PRKG1: variants seen among roughly 807,000 people sequenced by gnomAD.
PRKG1 encodes the protein cGMP-dependent protein kinase 1.
In PRKG1, 35 loss-of-function variants were observed where a neutral mutation model predicts 88.1. The ratio of observed to expected loss-of-function variants is 0.40; its 90% CI spans 0.30 to 0.53. The LOEUF (loss-of-function observed/expected upper bound fraction) is 0.53. PRKG1 is among the 20% of genes least tolerant of loss of function. The pLI, the probability that PRKG1 is intolerant of heterozygous loss-of-function variation, is 0.59. For missense variants in PRKG1, 540 were observed against 839.8 expected, an observed-to-expected ratio of 0.64 and a Z score of 4.41; for synonymous variants, 303 against 292.5, an observed-to-expected ratio of 1.04 and a Z score of -0.37.
intron 5 of PRKG1, among the ~76,000 whole-genome samples, chr10:52,004,880 T>C (rs944156753): frequency 1.3e-5 from 2 of 152,094 alleles, no homozygotes; most frequent in Non-Finnish European, 2.9e-5. Flanking sequence ...TGAGCTGTGA[T>C]CATGCCACTG....
chr10:51,751,982 A>T (rs1414674812), intron 3 of PRKG1, among the ~76,000 whole-genome samples: 2 of 152,186 alleles, frequency 1.3e-5, no homozygotes, highest in East Asian at 1.9e-4. Flanking sequence ...CATGCTGGTG[A>T]CTATTTTTCA....
intron 3 of PRKG1, among the ~76,000 whole-genome samples, chr10:51,468,815 G>C (rs1042340056): frequency 6.6e-6 from 1 of 151,730 alleles, no homozygotes; most frequent in Non-Finnish European, 1.5e-5. Flanking sequence ...TCCTTCAGAA[G>C]TACAGCATAT....
chr10:51,988,308 A>G (rs1346226417), intron 5 of PRKG1, among the ~76,000 whole-genome samples: 2 of 152,102 alleles, frequency 1.3e-5, no homozygotes, highest in Non-Finnish European at 1.5e-5. Context: ...TTGATGCAAC[A>G]CATTAGAAAA....
intron 3 of PRKG1, among the ~76,000 whole-genome samples, chr10:51,584,067 C>A (rs911075833): frequency 6.6e-6 from 1 of 152,024 alleles, no homozygotes; most frequent in Non-Finnish European, 1.5e-5. Context: ...ACTTATTTTT[C>A]CACTCAGAAG....
chr10:51,121,655 C>T (rs1845263421), intron 1 of PRKG1, among the ~76,000 whole-genome samples: 2 of 151,902 alleles, frequency 1.3e-5, no homozygotes, highest in African/African-American at 4.8e-5. Context: ...TTTCCAAGGC[C>T]ACCCAGCTAG....
intron 2 of PRKG1, among the ~76,000 whole-genome samples, chr10:51,441,654 C>T (rs913691977): frequency 6.6e-6 from 1 of 151,900 alleles, no homozygotes; most frequent in African/African-American, 2.4e-5. Flanking sequence ...TGGTTCTGTT[C>T]TACCAGAAAT....
chr10:51,708,595 G>C (rs1841667391), intron 3 of PRKG1, among the ~76,000 whole-genome samples: 1 of 152,110 alleles, frequency 6.6e-6, no homozygotes. Flanking sequence ...TGAAGGATCA[G>C]ATCTCCTATT....
chr10:51,553,627 T>C (rs1233546792), intron 3 of PRKG1, among the ~76,000 whole-genome samples: 1 of 151,496 alleles, frequency 6.6e-6, no homozygotes, highest in Non-Finnish European at 1.5e-5. Flanking sequence ...TGTCACTTTC[T>C]TCTTAAAATC....
In PRKG1 at chr10:51,843,263, A is replaced by G. The variant is rs1322489299; in HGVS notation, c.698+38573A>G. The stretch of plus-strand genomic sequence containing the variant: ...GTGTTATAAGAATAATTTGTTTTAT[A>G]TATTAGAAACATTTATTTGATGTGC... On this transcript the variant is annotated intron_variant, in intron 4 of 17. Coordinates refer to ENST00000373980, the MANE Select transcript of PRKG1 (RefSeq NM_006258.4). 7.9e-5 allele frequency among the ~76,000 whole-genome samples: 12 copies of G among 151,978 alleles called. No homozygotes were observed. The East Asian group carries it at 2.3e-3, about 29-fold the overall frequency.
At chr10:51,268,323 A>G (rs887154247) in intron 2 of PRKG1, among the ~76,000 whole-genome samples, 2 of 152,252 alleles carry the variant, frequency 1.3e-5, no homozygotes, top group South Asian at 4.2e-4. Flanking sequence ...TCTGACCACA[A>G]TTTATTAGGT....
intron 4 of PRKG1, among the ~76,000 whole-genome samples, chr10:51,828,953 A>G (rs993944549): frequency 5.9e-5 from 9 of 152,202 alleles, no homozygotes; most frequent in South Asian, 2.1e-4. Flanking sequence ...ACAAACATTT[A>G]TCATCACGCA....
intron 2 of PRKG1, among the ~76,000 whole-genome samples, chr10:51,432,606 A>G (rs1838801601): frequency 6.6e-6 from 1 of 152,172 alleles, no homozygotes; most frequent in East Asian, 1.9e-4. Flanking sequence ...CCAAGTGGCA[A>G]TAGTCGCTGG....
chr10:50,991,431 G>A lies in PRKG1; in HGVS notation c.53G>A (p.Arg18Lys). 6.3e-7 allele frequency: 1 copy of A among 1,589,578 alleles called. No homozygotes were observed. The highest frequency in any genetic ancestry group is 8.6e-7 in the Non-Finnish European group (1 of 1,168,486). ...AAGATTCTCATGCTCAAGGAGGAGA[G>A]GATCAAAGAGCTGGAGAAGCGGCTG... The change falls in exon 1 of 18, where the codon AGG becomes AAG. Residue 18 changes from arginine (R) to lysine (K), a missense_variant. By Grantham distance (26) the Arg-to-Lys change is conservative. Coordinates refer to the PRKG1 transcript ENST00000401604. The surrounding 1 kb of genome is among the most constrained non-coding windows in gnomAD (Gnocchi z 4.5).
chr10:51,180,204 C>T (rs563973192), intron 2 of PRKG1, among the ~76,000 whole-genome samples: 5 of 152,208 alleles, frequency 3.3e-5, no homozygotes, highest in South Asian at 4.1e-4. Context: ...TCTGAGGGTA[C>T]GTTTATGAGA....
chr10:52,266,241 A>G (rs1025190145), intron 10 of PRKG1, among the ~76,000 whole-genome samples: 5 of 151,574 alleles, frequency 3.3e-5, no homozygotes, highest in Non-Finnish European at 1.5e-5. Context: ...TCTGGAGTAC[A>G]TGTGCAGGAT....
At chr10:52,282,011 A>T (rs1207257332) in intron 13 of PRKG1, 142 bp from the exon 14 acceptor site, 1 of 877,082 alleles carries the variant, frequency 1.1e-6, no homozygotes, top group Non-Finnish European at 1.6e-6. Flanking sequence ...TTTGCAATAT[A>T]GACTATTCTT....
chr10:51,952,865 C>A (rs957324297), intron 5 of PRKG1, among the ~76,000 whole-genome samples: 1 of 152,098 alleles, frequency 6.6e-6, no homozygotes, highest in African/African-American at 2.4e-5. Context: ...TAACAAAAAG[C>A]AGTATTTATC....
chr10:51,168,040 A>G (rs995192392), intron 2 of PRKG1, among the ~76,000 whole-genome samples: 2 of 152,340 alleles, frequency 1.3e-5, no homozygotes, highest in Admixed American at 6.5e-5. Context: ...ATGGATATTC[A>G]TAAATATTTT....
intron 1 of PRKG1, among the ~76,000 whole-genome samples, chr10:51,055,595 T>G (rs1017909851): frequency 2.0e-5 from 3 of 150,918 alleles, no homozygotes; most frequent in South Asian, 2.1e-4. Context: ...AAAAATTAGC[T>G]GGGAGTGGTG....
Sources: allele counts gnomAD v4.1 joint callset (sites outside exome capture counted in the v4.1 genomes callset), GRCh38; gene constraint gnomAD v4.1.1; non-coding constraint Gnocchi (gnomAD v3.1); transcripts MANE v1.5; gene names NCBI Gene and HGNC (gene_info 2026-07-23, HGNC 2026-07-21).